Variants in SEMA3C observed in about 807,000 individuals in gnomAD.
SEMA3C encodes the protein semaphorin-3C.
In SEMA3C, 47 loss-of-function variants were observed where a neutral mutation model predicts 89.4. The observed-to-expected ratio is 0.53, with a 90% confidence interval of 0.42 to 0.67. The LOEUF (loss-of-function observed/expected upper bound fraction) is 0.67. Among genes scored for constraint, SEMA3C ranks in the 30% least tolerant of loss-of-function variants. The pLI is 0.00. For missense variants in SEMA3C, 839 were observed against 929.1 expected (o/e 0.90, Z 1.26); for synonymous variants, 310 against 320.2 (o/e 0.97, Z 0.34).
chr7:80,863,884 TATATATCACAC>T (rs1554383190), intron 2 of SEMA3C, among the ~76,000 whole-genome samples: 1 of 120,324 alleles, frequency 8.3e-6, no homozygotes, highest in East Asian at 2.4e-4. Context: ...ATGTATCACA[TATATATCACAC>T]ATATATTACA....
intron 2 of SEMA3C, among the ~76,000 whole-genome samples, chr7:80,886,805 A>G (rs1287086331): frequency 9.9e-5 from 15 of 152,222 alleles, no homozygotes; most frequent in Admixed American, 9.8e-4. Flanking sequence ...AAATGTCACC[A>G]GCATTTATTC....
intron 6 of SEMA3C, among the ~76,000 whole-genome samples, chr7:80,810,293 A>G (rs988951940): frequency 1.3e-5 from 2 of 152,184 alleles, no homozygotes; most frequent in African/African-American, 4.8e-5. Flanking sequence ...AAGTGGGTGT[A>G]GTTAATACTA....
intron 17 of SEMA3C, among the ~76,000 whole-genome samples, chr7:80,748,538 A>G (rs1787850571): frequency 6.6e-6 from 1 of 152,162 alleles, no homozygotes; most frequent in Non-Finnish European, 1.5e-5. Context: ...CTTTTTTTTA[A>G]AAGCCTCCTT....
At chr7:80,794,540 G>A (rs533645398) in intron 11 of SEMA3C, among the ~76,000 whole-genome samples, 37 of 152,118 alleles carry the variant, frequency 2.4e-4, no homozygotes, top group African/African-American at 6.7e-4. Flanking sequence ...TGAACTTCTC[G>A]TATCCTTGCC....
At chr7:80,825,254 C>G (rs1198809647) in intron 4 of SEMA3C, among the ~76,000 whole-genome samples, 1 of 152,036 alleles carries the variant, frequency 6.6e-6, no homozygotes, top group Non-Finnish European at 1.5e-5. Flanking sequence ...ATGGATTTGT[C>G]AGACATTCTT....
intron 7 of SEMA3C, among the ~76,000 whole-genome samples, chr7:80,804,710 T>C (rs1467203577): frequency 1.3e-5 from 2 of 152,162 alleles, no homozygotes; most frequent in Non-Finnish European, 2.9e-5. Flanking sequence ...AACAGCGTCA[T>C]TAGTCATTTG....
rs114707436 is a variant in SEMA3C at position 80,742,590 on chromosome 7, A to T, written c.*2304T>A. 8.7e-4 allele frequency: 132 copies of T among 152,180 alleles called. No individual in the cohort carries two copies. Among genetic ancestry groups the T allele is most frequent in the African/African-American group, 3.1e-3 (130 of 41,572 alleles). 9.4% of individuals were successfully genotyped at this position (152,180 alleles called of 1,614,324 possible). A position where few individuals can be genotyped will look rare whatever the true frequency, so the allele number is the denominator to read the frequency against. ...CAGGCCAATGATTTCATCAATATCC[A>T]ATTAAATTTTAGTGTGACAACTACA... On this transcript the variant is annotated 3_prime_UTR_variant, in exon 18 of 18. Coordinates refer to ENST00000265361, the MANE Select transcript of SEMA3C (RefSeq NM_006379.5).
intron 13 of SEMA3C, among the ~76,000 whole-genome samples, chr7:80,762,766 CTG>C (rs1273362670): frequency 3.9e-5 from 6 of 152,092 alleles, no homozygotes; most frequent in Non-Finnish European, 7.4e-5. Flanking sequence ...TGAGCCAAGA[CTG>C]TGCCACGGCA....
intron 11 of SEMA3C, among the ~76,000 whole-genome samples, chr7:80,790,117 T>C (rs948682319): frequency 2.6e-5 from 4 of 151,868 alleles, no homozygotes; most frequent in African/African-American, 9.7e-5. Flanking sequence ...ATTTCATCTC[T>C]GGGAAAAAAG....
chr7:80,868,408 T>C (rs905698220), intron 2 of SEMA3C, among the ~76,000 whole-genome samples: 3 of 151,954 alleles, frequency 2.0e-5, no homozygotes, highest in Admixed American at 6.6e-5. Context: ...ACTGGGACTG[T>C]AGACATGAGC....
At chr7:80,872,754 T>C (rs1048410304) in intron 2 of SEMA3C, among the ~76,000 whole-genome samples, 1 of 124,986 alleles carries the variant, frequency 8.0e-6, no homozygotes, top group Non-Finnish European at 1.6e-5. Context: ...TGAGCCAAGA[T>C]CACACTACTG....
At chr7:80,829,432 G>A (rs1583918150) in intron 2 of SEMA3C, among the ~76,000 whole-genome samples, 1 of 151,982 alleles carries the variant, frequency 6.6e-6, no homozygotes, top group East Asian at 1.9e-4. Context: ...CTCTATTAAT[G>A]TTTTATTTTT....
At position 80,798,150 on chromosome 7, in the gene SEMA3C, C is replaced by T. The variant is rs762523035; in HGVS notation, c.1073G>A (p.Gly358Glu). ...ATAGGAAATCAGCTGATGATTGGGC[C>T]CTTCTTTGTGGGCAAAAGGCCCATT... Reference protein sequence around the residue: ...VFNGPFAHKEGPNHQLISYQG... With the variant: ...VFNGPFAHKEEPNHQLISYQG... The change falls in exon 11 of 18, where the codon GGG becomes GAG. Residue 358 changes from glycine (G) to glutamate (E), a missense_variant. Physicochemically the swap from Gly to Glu is moderately conservative, Grantham distance 98. Coordinates refer to ENST00000265361, the MANE Select transcript of SEMA3C (RefSeq NM_006379.5). 6.2e-7 allele frequency: 1 copy of T among 1,608,146 alleles called. No individual in the cohort carries two copies. Among genetic ancestry groups the T allele is most frequent in the Non-Finnish European group, 8.5e-7 (1 of 1,177,452 alleles).
At chr7:80,753,260 G>A (rs577261552) in intron 15 of SEMA3C, among the ~76,000 whole-genome samples, 13 of 152,218 alleles carry the variant, frequency 8.5e-5, no homozygotes, top group Admixed American at 2.6e-4. Flanking sequence ...AGAATAGCTC[G>A]CATATCAAGT....
chr7:80,782,975 A>C (rs947011683), intron 12 of SEMA3C, among the ~76,000 whole-genome samples: 1 of 152,194 alleles, frequency 6.6e-6, no homozygotes, highest in African/African-American at 2.4e-5. Context: ...CAGAATACTA[A>C]ATAGTAAATG....
chr7:80,744,655 A>G lies in SEMA3C; in HGVS notation c.*239T>C, dbSNP rs1023855809. On this transcript the variant is annotated 3_prime_UTR_variant, in exon 18 of 18. Coordinates refer to ENST00000265361, the MANE Select transcript of SEMA3C (RefSeq NM_006379.5). Reference sequence around the variant, plus strand: ...GAAGAAAAGGTGAATAAAGATATAAATAAAATCTGGGTTAAGTTAAATATA... The same window carrying G: ...GAAGAAAAGGTGAATAAAGATATAAGTAAAATCTGGGTTAAGTTAAATATA... 1 of 536,264 alleles carries G rather than the reference A, an allele frequency of 1.9e-6. No individual in the cohort carries two copies. Among genetic ancestry groups the G allele is most frequent in the African/African-American group, 1.9e-5 (1 of 52,344 alleles). 33.2% of individuals were successfully genotyped at this position (536,264 alleles called of 1,614,324 possible).
chr7:80,899,131 C>T (rs1298738904), intron 2 of SEMA3C, among the ~76,000 whole-genome samples: 1 of 152,188 alleles, frequency 6.6e-6, no homozygotes, highest in Non-Finnish European at 1.5e-5. Context: ...ACCTCCGCCG[C>T]CCGGGCTCAA....
intron 2 of SEMA3C, among the ~76,000 whole-genome samples, chr7:80,845,839 T>C (rs1217496071): frequency 1.3e-5 from 2 of 152,150 alleles, no homozygotes; most frequent in African/African-American, 4.8e-5. Flanking sequence ...AGCTTCGTGC[T>C]TCTATCTGAA....
intron 2 of SEMA3C, among the ~76,000 whole-genome samples, chr7:80,838,901 G>A (rs1790200002): frequency 6.6e-6 from 1 of 152,148 alleles, no homozygotes; most frequent in Non-Finnish European, 1.5e-5. Flanking sequence ...TGAGATTTCA[G>A]TGGGGACACA....
Sources: gnomAD v4.1 joint callset for allele counts (sites outside exome capture counted in the v4.1 genomes callset) on GRCh38, gnomAD v4.1.1 for gene constraint, MANE v1.5 for transcripts, NCBI Gene and HGNC (gene_info 2026-07-23, HGNC 2026-07-21) for gene names.